The following DNMT3B variants were observed in gnomAD, a reference collection of about 807,000 sequenced individuals.
DNMT3B encodes the protein DNA methyltransferase 3 beta, also known as DNA (cytosine-5)-methyltransferase 3B.
DNMT3B carries 37 observed loss-of-function variants against 120.2 expected under a neutral mutation model. The observed-to-expected ratio is 0.31, with a 90% CI of 0.24 to 0.40. DNMT3B has a LOEUF of 0.40. DNMT3B is among the 10% of genes least tolerant of loss of function. The pLI is 1.00. For synonymous variants in DNMT3B, 412 were observed against 442.8 expected (o/e 0.93, Z 0.87); for missense variants, 878 against 1,137.3 (o/e 0.77, Z 3.28).
Position 32,795,389 on chromosome 20 carries a change from A to G in DNMT3B, c.1127-20A>G. On this transcript the variant is annotated intron_variant, in intron 10 of 22. Transcript: ENST00000328111. ...GACCCTCCTACCAAGCCACGGCTGC[A>G]GTCTAATTACCTTTCACAGAGAACA... The G allele has an allele frequency of 6.2e-7, 1 of 1,613,906 alleles. No homozygotes were observed. The highest frequency in any genetic ancestry group is 8.5e-7 in the Non-Finnish European group (1 of 1,179,902).
intron 2 of DNMT3B, 94 bp from the exon 3 acceptor site, chr20:32,781,259 G>A (rs1568832117): frequency 2.2e-6 from 3 of 1,340,902 alleles, no homozygotes; most frequent in Non-Finnish European, 3.2e-6. Flanking sequence ...GGAGATCCCA[G>A]GCCACGCCAC....
At chr20:32,783,179 G>A (rs891727776) in intron 3 of DNMT3B, among the ~76,000 whole-genome samples, 11 of 152,058 alleles carry the variant, frequency 7.2e-5, no homozygotes, top group Non-Finnish European at 1.3e-4. Flanking sequence ...CACCTGTCCC[G>A]GCCTCCCAAA....
intron 3 of DNMT3B, among the ~76,000 whole-genome samples, 200 bp downstream of exon 3, chr20:32,781,614 C>T (rs765783364): frequency 2.0e-5 from 3 of 152,180 alleles, no homozygotes; most frequent in Non-Finnish European, 4.4e-5. Context: ...TATGGTAGTC[C>T]CCTCTTATCT....
At position 32,801,348 on chromosome 20, in the gene DNMT3B, C is replaced by T. The variant is rs946029546; in HGVS notation, c.2067C>T (p.Asp689=). The change falls in exon 19 of 23, where the codon GAC becomes GAT. Residue 689 remains aspartate, a synonymous_variant. Coordinates refer to ENST00000328111, the MANE Select transcript of DNMT3B (RefSeq NM_006892.4). The part of the protein sequence containing the change: ...LNYSRPKEGD[D]RPFFWMFENV... ...ACTCACGCCCCAAGGAGGGTGATGA[C>T]CGGCCGTTCTTCTGGATGTTTGAGA... 9 of 1,613,970 alleles carry T rather than the reference C, an allele frequency of 5.6e-6. No individual in the cohort carries two copies. The highest frequency in any genetic ancestry group is 5.0e-5 in the Admixed American group (3 of 59,976).
chr20:32,798,843 C>T (rs534134589), intron 15 of DNMT3B, among the ~76,000 whole-genome samples, 200 bp downstream of exon 15: 11 of 152,322 alleles, frequency 7.2e-5, no homozygotes, highest in African/African-American at 1.9e-4. Context: ...CCCTCCTTGC[C>T]GGCTTCTCAG....
At chr20:32,804,853 G>A (rs1046162656) in intron 20 of DNMT3B, among the ~76,000 whole-genome samples, 4 of 151,938 alleles carry the variant, frequency 2.6e-5, no homozygotes, top group Admixed American at 6.6e-5. Flanking sequence ...CACTGCAGGC[G>A]GTTGCCATTC....
chr20:32,806,596 A>T (rs1384455824), intron 22 of DNMT3B, among the ~76,000 whole-genome samples: 1 of 152,200 alleles, frequency 6.6e-6, no homozygotes, highest in Non-Finnish European at 1.5e-5. Flanking sequence ...GCCTGTCCCA[A>T]CATGCTGGGA....
chr20:32,791,930 GAAGGA>G (rs1344240725), intron 8 of DNMT3B, among the ~76,000 whole-genome samples: 1 of 152,332 alleles, frequency 6.6e-6, no homozygotes, highest in East Asian at 1.9e-4. Context: ...AACTGAATCA[GAAGGA>G]AAGAGCACGG....
intron 1 of DNMT3B, among the ~76,000 whole-genome samples, chr20:32,771,192 A>G (rs1987715284): frequency 6.6e-6 from 1 of 152,250 alleles, no homozygotes; most frequent in African/African-American, 2.4e-5. Context: ...ACAACTAAAA[A>G]TGCTGTGCCT....
chr20:32,799,156 C>T (rs1981016140), intron 15 of DNMT3B, 88 bp from the exon 16 acceptor site: 3 of 1,468,464 alleles, frequency 2.0e-6, no homozygotes, highest in East Asian at 4.8e-5. Context: ...GTTTGAAGCC[C>T]TCTGAGCAGG....
chr20:32,799,360 ATCGTG>A, intron 16 of DNMT3B, 32 bp downstream of exon 16: 1 of 1,601,858 alleles, frequency 6.2e-7, no homozygotes, highest in Non-Finnish European at 8.5e-7. Context: ...AGACACTGCT[ATCGTG>A]TCACAACAGG....
intron 19 of DNMT3B, among the ~76,000 whole-genome samples, chr20:32,801,884 C>A (rs568426155): frequency 6.6e-6 from 1 of 152,146 alleles, no homozygotes; most frequent in Non-Finnish European, 1.5e-5. Flanking sequence ...CATCCCCTGC[C>A]AGTACAAGGA....
intron 22 of DNMT3B, among the ~76,000 whole-genome samples, chr20:32,806,707 A>G (rs928232563): frequency 6.6e-6 from 1 of 152,160 alleles, no homozygotes; most frequent in Non-Finnish European, 1.5e-5. Context: ...TCTTAGCCAC[A>G]GTTTATCCTC....
intron 8 of DNMT3B, among the ~76,000 whole-genome samples, chr20:32,792,073 T>G (rs2145978590): frequency 1.3e-5 from 2 of 152,260 alleles, no homozygotes; most frequent in Admixed American, 1.3e-4. Flanking sequence ...GTGGGCCGTC[T>G]TATCCCCTAT....
intron 15 of DNMT3B, 111 bp downstream of exon 15, chr20:32,798,754 T>C (rs1292595765): frequency 8.8e-6 from 13 of 1,478,324 alleles, no homozygotes; most frequent in Non-Finnish European, 1.1e-5. Context: ...TTGTACCTCT[T>C]GGAGCCTCAA....
rs139830910 is a variant in DNMT3B, at chr20:32,780,950, C to T, written c.143-403C>T. ...GCCATCCCATGGAACTTCCTGCGAG[C>T]GTGAAAGGGTTCTATTTCTGCATTG... On this transcript the variant is annotated intron_variant, in intron 2 of 22. Transcript: ENST00000328111. 3.5e-3 allele frequency among the ~76,000 whole-genome samples: 532 copies of T among 152,302 alleles called. 6 individuals carry two copies. Among genetic ancestry groups the T allele is most frequent in the African/African-American group, 0.013 (520 of 41,564 alleles).
rs533226350 is a variant in DNMT3B at position 32,780,925 on chromosome 20, G to C, written c.143-428G>C. Among the ~76,000 whole-genome samples the C allele has an allele frequency of 2.6e-5, 4 of 152,322 alleles. No homozygotes were observed. In the South Asian group the frequency reaches 8.3e-4, roughly 32 times the overall value. ...AGCCCTGCATTGTCCTCTCAGCTGT[G>C]CCATCCCATGGAACTTCCTGCGAGC... On this transcript the variant is annotated intron_variant, in intron 2 of 22. Coordinates refer to ENST00000328111, the MANE Select transcript of DNMT3B (RefSeq NM_006892.4).
intron 1 of DNMT3B, among the ~76,000 whole-genome samples, chr20:32,767,990 G>C (rs1269266254): frequency 6.6e-6 from 1 of 152,220 alleles, no homozygotes; most frequent in African/African-American, 2.4e-5. Context: ...TGATGCCTTT[G>C]TAGGGCGTTT....
At chr20:32,785,147 C>G (rs1395709240) in intron 4 of DNMT3B, among the ~76,000 whole-genome samples, 1 of 151,660 alleles carries the variant, frequency 6.6e-6, no homozygotes, top group African/African-American at 2.4e-5. Context: ...CCAAGTGATT[C>G]TCCTGCCACA....
Sources: gnomAD v4.1 joint callset for allele counts (sites outside exome capture counted in the v4.1 genomes callset) on GRCh38, gnomAD v4.1.1 for gene constraint, MANE v1.5 for transcripts, NCBI Gene and HGNC (gene_info 2026-07-23, HGNC 2026-07-21) for gene names.